The following WDFY4 variants were observed in gnomAD, a reference collection of about 807,000 sequenced individuals.
The protein encoded by WDFY4 is WD repeat- and FYVE domain-containing protein 4.
WDFY4 carries 169 observed loss-of-function variants against 351.9 expected under a neutral mutation model. The ratio of observed to expected loss-of-function variants is 0.48; its 90% CI spans 0.42 to 0.55. WDFY4 has a LOEUF of 0.55. WDFY4 is among the 20% of genes least tolerant of loss of function. The pLI is 0.00. For synonymous variants in WDFY4, 1,622 were observed against 1,574.6 expected (o/e 1.03, Z -0.71); for missense variants, 3,803 against 3,935.6 (o/e 0.97, Z 0.90).
chr10:48,958,350 C>T (rs922818440), intron 52 of WDFY4, among the ~76,000 whole-genome samples: 5 of 152,144 alleles, frequency 3.3e-5, no homozygotes, highest in East Asian at 1.9e-4. Context: ...TCCCCCAAAG[C>T]GTGAGGAGTC....
chr10:48,788,531 G>A lies in WDFY4; in HGVS notation c.3810G>A (p.Gly1270=), dbSNP rs1211491727. ...CGNFQAVHVQ[G]EDLDSEATPF... is the part of the protein sequence containing the mutation. ...ATGTTTAAAGATGTGTTGTTACAGG[G>A]GAGGACCTGGACAGTGAAGCCACGC... The change falls in exon 21 of 62, where the codon GGG becomes GGA. Residue 1270 remains glycine, a splice_region_variant and synonymous_variant. Transcript: ENST00000325239. The A allele has an allele frequency of 6.4e-7, 1 of 1,551,698 alleles. No homozygotes were observed. The highest frequency in any genetic ancestry group is 8.7e-7 in the Non-Finnish European group (1 of 1,146,898).
At chr10:48,755,784 A>G (rs2065319366) in intron 12 of WDFY4, among the ~76,000 whole-genome samples, 2 of 152,100 alleles carry the variant, frequency 1.3e-5, no homozygotes, top group Admixed American at 1.3e-4. Flanking sequence ...AAGCTCTCCA[A>G]AGATATTCTT....
At chr10:48,939,910 C>T (rs1840663769) in intron 47 of WDFY4, among the ~76,000 whole-genome samples, 1 of 152,200 alleles carries the variant, frequency 6.6e-6, no homozygotes, top group South Asian at 2.1e-4. Flanking sequence ...TCACAAGTGA[C>T]CACAGGCAAA....
At chr10:48,803,610 T>C (rs927240492) in intron 25 of WDFY4, among the ~76,000 whole-genome samples, 1 of 152,062 alleles carries the variant, frequency 6.6e-6, no homozygotes, top group Non-Finnish European at 1.5e-5. Flanking sequence ...GGCTCAGCAA[T>C]TGTGACCAGC....
intron 52 of WDFY4, 24 bp downstream of exon 52, chr10:48,957,306 G>A (rs557656628): frequency 6.0e-5 from 93 of 1,544,530 alleles, no homozygotes; most frequent in Non-Finnish European, 7.4e-5. Context: ...TGGTGAGGCC[G>A]GGTGAGTGGC....
chr10:48,703,146 A>G (rs1180612028), intron 1 of WDFY4, among the ~76,000 whole-genome samples: 2 of 152,220 alleles, frequency 1.3e-5, no homozygotes, highest in Non-Finnish European at 2.9e-5. Context: ...CCCACCCTGA[A>G]CATGTTTTAG....
At chr10:48,690,477 C>A (rs558534331) in intron 1 of WDFY4, among the ~76,000 whole-genome samples, 1 of 152,240 alleles carries the variant, frequency 6.6e-6, no homozygotes, top group South Asian at 2.1e-4. Flanking sequence ...ATGAGGGATG[C>A]AGTCATGTGG....
chr10:48,787,973 T>C (rs373151699), intron 20 of WDFY4, among the ~76,000 whole-genome samples: 1 of 132,954 alleles, frequency 7.5e-6, no homozygotes, highest in East Asian at 2.2e-4. Context: ...CTTCTTCTTC[T>C]TCTTCTTCTT....
intron 43 of WDFY4, among the ~76,000 whole-genome samples, chr10:48,889,142 AG>A (rs1469577757): frequency 2.0e-5 from 3 of 152,300 alleles, no homozygotes; most frequent in African/African-American, 7.2e-5. Context: ...TCCTCTGACA[AG>A]GTAGATTCAG....
At chr10:48,735,057 C>T (rs1002473297) in intron 10 of WDFY4, among the ~76,000 whole-genome samples, 1 of 149,896 alleles carries the variant, frequency 6.7e-6, no homozygotes, top group African/African-American at 2.5e-5. Context: ...TCCCAATGTG[C>T]TAGGATTACA....
chr10:48,833,855 A>C (rs922925777), intron 39 of WDFY4, among the ~76,000 whole-genome samples: 1 of 152,240 alleles, frequency 6.6e-6, no homozygotes, highest in Non-Finnish European at 1.5e-5. Context: ...AGACACATTA[A>C]CATAATCCCA....
rs375899185 is a variant in WDFY4 at position 48,913,460 on chromosome 10, C to A, written c.7586+11597C>A. 7.4e-6 allele frequency: 12 copies of A among 1,613,544 alleles called. No homozygotes were observed. In the African/African-American group the frequency reaches 1.2e-4, roughly 16 times the overall value. ...TCAGATTGGGAAAGATGGTCTTTCT[C>A]GGTGTCGTCGTGGCCATGTTCTTGA... On this transcript the variant is annotated intron_variant, in intron 47 of 61. Transcript: ENST00000325239.
At chr10:48,725,811 G>C in intron 5 of WDFY4, 70 bp from the exon 6 acceptor site, 2 of 1,429,964 alleles carry the variant, frequency 1.4e-6, no homozygotes, top group Non-Finnish European at 1.9e-6. Context: ...GAGAAGTAGG[G>C]AACAAATCCA....
chr10:48,702,460 G>C (rs558623887), intron 1 of WDFY4, among the ~76,000 whole-genome samples: 1 of 152,242 alleles, frequency 6.6e-6, no homozygotes, highest in East Asian at 1.9e-4. Flanking sequence ...TTTCCAAAAT[G>C]TCCTCTAAGT....
intron 24 of WDFY4, among the ~76,000 whole-genome samples, chr10:48,800,723 A>T (rs11101503): frequency 0.13 from 5,738 of 44,838 alleles, 174 homozygotes; most frequent in East Asian, 0.27. Flanking sequence ...TCTTTCTTTC[A>T]TTCTTTCTTT....
chr10:48,913,995 T>C, intron 47 of WDFY4: 1 of 1,614,216 alleles, frequency 6.2e-7, no homozygotes, highest in Non-Finnish European at 8.5e-7. Context: ...AAGGTCCAGC[T>C]CGTCCATGTC....
Position 48,814,070 on chromosome 10 carries a change from C to T in WDFY4, c.5328C>T (p.Ala1776=), listed in dbSNP as rs1402357088. ...TGCTCCTCCTGGAAATGCTGAAGGC[C>T]ACCATGAGCCAGGTGAGACCCATTC... ...GALLLLEMLK[A]TMSQPLAGSE... The change falls in exon 31 of 62, where the codon GCC becomes GCT. Residue 1776 remains alanine (A), a synonymous_variant. Coordinates refer to ENST00000325239, the MANE Select transcript of WDFY4 (RefSeq NM_001394531.1). The T allele has an allele frequency of 1.3e-6, 2 of 1,548,796 alleles. No individual in the cohort carries two copies. Among genetic ancestry groups the T allele is most frequent in the Non-Finnish European group, 1.7e-6 (2 of 1,145,230 alleles).
At chr10:48,943,308 C>A in intron 48 of WDFY4, 22 bp from the exon 49 acceptor site, 1 of 1,550,968 alleles carries the variant, frequency 6.4e-7, no homozygotes, top group South Asian at 1.2e-5. Context: ...TTGGTTTATC[C>A]CCTTTCTGTC....
chr10:48,859,420 T>C (rs1373083222), intron 39 of WDFY4, among the ~76,000 whole-genome samples: 2 of 152,216 alleles, frequency 1.3e-5, no homozygotes, highest in Non-Finnish European at 2.9e-5. Context: ...GAGAGTTTTA[T>C]CATAAATAGG....
Sources: allele counts gnomAD v4.1 joint callset (sites outside exome capture counted in the v4.1 genomes callset), GRCh38; gene constraint gnomAD v4.1.1; transcripts MANE v1.5; gene names NCBI Gene and HGNC (gene_info 2026-07-23, HGNC 2026-07-21).